Variants in CCDC93 observed in about 807,000 individuals in gnomAD.
CCDC93 encodes CCC complex scaffolding subunit CCDC93, also known as coiled-coil domain-containing protein 93.
A neutral mutation model predicts 108.2 loss-of-function variants in CCDC93; 61 were observed. That is an observed-to-expected ratio of 0.56 (90% CI 0.46 to 0.70). The LOEUF is 0.70. Among genes scored for constraint, CCDC93 ranks in the 30% least tolerant of loss-of-function variants. CCDC93 has a pLI of 0.00. For missense variants in CCDC93, 685 were observed against 764.2 expected (o/e 0.90, Z 1.22); for synonymous variants, 276 against 260.4 (o/e 1.06, Z -0.58).
At chr2:117,988,319 A>G (rs1211706059) in intron 6 of CCDC93, among the ~76,000 whole-genome samples, 10 of 152,194 alleles carry the variant, frequency 6.6e-5, no homozygotes, top group Non-Finnish European at 1.2e-4. Context: ...CACATTCCTC[A>G]ATGCAGGGAA....
chr2:117,996,216 T>G (rs749899881), intron 5 of CCDC93, 48 bp downstream of exon 5: 52 of 1,249,288 alleles, frequency 4.2e-5, no homozygotes, highest in Non-Finnish European at 6.0e-5. Flanking sequence ...CTCTTAAGTG[T>G]GCACTCTGTT....
intron 12 of CCDC93, among the ~76,000 whole-genome samples, chr2:117,958,047 T>C (rs1679273717): frequency 6.6e-6 from 1 of 152,184 alleles, no homozygotes; most frequent in Admixed American, 6.5e-5. Context: ...ACTAATGCTA[T>C]TTATTCTTGC....
chr2:117,968,241 T>C (rs1433381177), intron 11 of CCDC93, among the ~76,000 whole-genome samples: 2 of 152,210 alleles, frequency 1.3e-5, no homozygotes, highest in Non-Finnish European at 2.9e-5. Context: ...AGCTTCCTTT[T>C]CTTTCTTCTG....
In CCDC93 at chr2:117,986,054, G is replaced by T; in HGVS notation, c.535C>A (p.Arg179Ser). The T allele has an allele frequency of 6.2e-7, 1 of 1,611,512 alleles. No homozygotes were observed. The highest frequency in any genetic ancestry group is 8.5e-7 in the Non-Finnish European group (1 of 1,177,788). The change falls in exon 7 of 24, where the codon CGT becomes AGT. Residue 179 changes from arginine (R) to serine (S), a missense_variant. By Grantham distance (110) the Arg-to-Ser change is moderately radical. Coordinates refer to ENST00000376300, the MANE Select transcript of CCDC93 (RefSeq NM_019044.5). ...VVDLSEVYKPRRKYKRHQGAE... is the reference protein window; with the variant it reads ...VVDLSEVYKPSRKYKRHQGAE... The stretch of plus-strand genomic sequence containing the variant: ...CCCTGGTGGCGTTTGTATTTCCGAC[G>T]GGGCTTGTACACTTCCTAAGTGGAT...
chr2:118,009,504 C>G (rs1676967248), intron 1 of CCDC93, among the ~76,000 whole-genome samples: 1 of 152,098 alleles, frequency 6.6e-6, no homozygotes, highest in Non-Finnish European at 1.5e-5. Flanking sequence ...AACCCCACCT[C>G]TACTAAAAAT....
intron 9 of CCDC93, 141 bp downstream of exon 9, chr2:117,975,047 G>C (rs1679890255): frequency 9.6e-7 from 1 of 1,039,504 alleles, no homozygotes; most frequent in Admixed American, 1.9e-5. Context: ...GTGATAAAAT[G>C]AAACTGGAAG....
chr2:117,934,827 TA>T (rs1324923406), intron 22 of CCDC93: 1 of 152,200 alleles, frequency 6.6e-6, no homozygotes, highest in East Asian at 1.9e-4. Context: ...GATACATTTT[TA>T]AAACAGGACC....
At chr2:117,972,497 G>A (rs1476890251) in intron 11 of CCDC93, among the ~76,000 whole-genome samples, 1 of 152,210 alleles carries the variant, frequency 6.6e-6, no homozygotes, top group Non-Finnish European at 1.5e-5. Flanking sequence ...TGGAAAGAGA[G>A]ATGCACTGCC....
chr2:117,920,539 T>A, intron 23 of CCDC93, 143 bp from the exon 24 acceptor site: 1 of 504,596 alleles, frequency 2.0e-6, no homozygotes, highest in South Asian at 4.0e-5. Flanking sequence ...GCCGCCAGGA[T>A]GGTGAAGCTT....
chr2:117,970,206 A>G (rs1679718470), intron 11 of CCDC93, among the ~76,000 whole-genome samples: 1 of 152,266 alleles, frequency 6.6e-6, no homozygotes, highest in African/African-American at 2.4e-5. Context: ...GGCCATACTC[A>G]GTTTAGCTAT....
At chr2:118,001,547 T>C (rs1328322554) in intron 3 of CCDC93, among the ~76,000 whole-genome samples, 2 of 152,220 alleles carry the variant, frequency 1.3e-5, no homozygotes, top group African/African-American at 4.8e-5. Flanking sequence ...CTCATTTCCA[T>C]ACAGAAGAGA....
chr2:117,972,564 C>A (rs973528293), intron 11 of CCDC93, among the ~76,000 whole-genome samples: 1 of 151,706 alleles, frequency 6.6e-6, no homozygotes, highest in African/African-American at 2.4e-5. Flanking sequence ...AGAGCTCCTA[C>A]GTGCTCCCTG....
intron 7 of CCDC93, among the ~76,000 whole-genome samples, chr2:117,982,699 A>AAT (rs1680183954): frequency 6.6e-6 from 1 of 152,046 alleles, no homozygotes. Flanking sequence ...TAAGGTAGAA[A>AAT]ATAGAAACAC....
intron 7 of CCDC93, among the ~76,000 whole-genome samples, chr2:117,984,837 G>T (rs1185367072): frequency 6.6e-6 from 1 of 152,182 alleles, no homozygotes. Flanking sequence ...GATTCCCAGG[G>T]CTGGCTTCCT....
Position 117,949,378 on chromosome 2 carries a change from C to G in CCDC93, c.1086G>C (p.Glu362Asp). 6.2e-7 allele frequency: 1 copy of G among 1,613,552 alleles called. No individual in the cohort carries two copies. The highest frequency in any genetic ancestry group is 2.2e-5 in the East Asian group (1 of 44,878). ...KTLTELKTYS[E>D]KLDKEQAALE... The stretch of plus-strand genomic sequence containing the variant: ...GGGCTGCTTGCTCTTTGTCCAGTTT[C>G]TCACTGTAAGTCTTCAGCTGCAAGA... Residue 362 changes from glutamate (E) to aspartate (D), a missense_variant, in exon 14 of 24, where the codon GAG becomes GAC. Coordinates refer to ENST00000376300, the MANE Select transcript of CCDC93 (RefSeq NM_019044.5).
chr2:117,945,618 A>G (rs1678846859), intron 16 of CCDC93, 36 bp from the exon 17 acceptor site: 1 of 1,581,030 alleles, frequency 6.3e-7, no homozygotes, highest in Non-Finnish European at 8.7e-7. Flanking sequence ...ACCTCTCCTG[A>G]GCATTCGGGA....
intron 3 of CCDC93, among the ~76,000 whole-genome samples, chr2:118,005,818 GA>G (rs1303669656): frequency 6.7e-6 from 1 of 149,328 alleles, no homozygotes; most frequent in African/African-American, 2.5e-5. Context: ...TTGTCAACAA[GA>G]AAAAAACAAA....
intron 13 of CCDC93, 134 bp downstream of exon 13, chr2:117,952,239 A>T (rs1382743152): frequency 2.8e-6 from 2 of 712,640 alleles, no homozygotes; most frequent in African/African-American, 3.5e-5. Flanking sequence ...ATGTCCTCAA[A>T]ATGACTGCAG....
At chr2:117,950,584 C>G in intron 13 of CCDC93, 1 of 985,334 alleles carries the variant, frequency 1.0e-6, no homozygotes, top group Non-Finnish European at 1.2e-6. Context: ...CCTGGAAGGG[C>G]AGGTTTTGCT....
Sources: gnomAD v4.1 joint callset for allele counts (sites outside exome capture counted in the v4.1 genomes callset) on GRCh38, gnomAD v4.1.1 for gene constraint, MANE v1.5 for transcripts, NCBI Gene and HGNC (gene_info 2026-07-23, HGNC 2026-07-21) for gene names.